The following SLC47A2 variants were observed in gnomAD, a reference collection of about 807,000 sequenced individuals.
The protein encoded by SLC47A2 is solute carrier family 47 member 2.
Under a neutral mutation model 67.7 loss-of-function variants are expected in SLC47A2, and 52 were observed. That is an observed-to-expected ratio of 0.77 (90% CI 0.61 to 0.97). SLC47A2 has a LOEUF of 0.97. Among genes scored for constraint, SLC47A2 ranks in the 50% least tolerant of loss-of-function variants. The pLI is 0.00. For missense variants in SLC47A2, 676 were observed against 712.3 expected, an observed-to-expected ratio of 0.95 and a Z score of 0.58; for synonymous variants, 278 against 292.9, an observed-to-expected ratio of 0.95 and a Z score of 0.52.
intron 13 of SLC47A2, among the ~76,000 whole-genome samples, chr17:19,696,515 G>A (rs1371475294): frequency 6.6e-6 from 1 of 150,746 alleles, no homozygotes; most frequent in African/African-American, 2.4e-5. Flanking sequence ...ATGGAAGGAA[G>A]ACTTGAAGAG....
intron 13 of SLC47A2, among the ~76,000 whole-genome samples, chr17:19,691,239 A>G (rs2152343149): frequency 6.6e-6 from 1 of 152,324 alleles, no homozygotes; most frequent in African/African-American, 2.4e-5. Flanking sequence ...GTGATCCAGC[A>G]ATCCTGCTAG....
chr17:19,717,410 A>T (rs2086290272), upstream of SLC47A2: 1 of 152,386 alleles, frequency 6.6e-6, no homozygotes, highest in Admixed American at 6.5e-5. Flanking sequence ...CTGCCTCAAG[A>T]CCAGCAGGGC....
chr17:19,704,155 C>A lies in SLC47A2; in HGVS notation c.933G>T (p.Gly311=). The change falls in exon 11 of 17, where the codon GGG becomes GGT. Residue 311 remains glycine (G), a synonymous_variant. Coordinates refer to ENST00000433844, the MANE Select transcript of SLC47A2 (RefSeq NM_001099646.3). The stretch of plus-strand genomic sequence containing the variant: ...GAGCCATCCCCACTCGGACACAGAC[C>A]CCGATGCTGAGCCCCAAGGGAATCT... ...TYMIPLGLSI[G]VCVRVGMALG... is the part of the protein sequence containing the mutation. The A allele has an allele frequency of 3.1e-6, 5 of 1,611,240 alleles. No individual in the cohort carries two copies. Among genetic ancestry groups the A allele is most frequent in the Non-Finnish European group, 4.2e-6 (5 of 1,179,310 alleles).
chr17:19,708,201 G>A (rs35250332), intron 7 of SLC47A2, 101 bp downstream of exon 7: 57,563 of 1,359,782 alleles, frequency 0.042, 1,505 homozygotes, highest in Non-Finnish European at 0.051. Flanking sequence ...CTTCAGGACG[G>A]CACAGGCAGG....
Position 19,702,239 on chromosome 17 carries a change from G to A in SLC47A2, c.1164+366C>T, listed in dbSNP as rs904330359. 19 of 985,210 alleles carry A rather than the reference G, an allele frequency of 1.9e-5. No homozygotes were observed. The African/African-American group carries it at 3.1e-4, about 16-fold the overall frequency. 61.0% of individuals were successfully genotyped at this position (985,210 alleles called of 1,614,324 possible). A position where few individuals can be genotyped will look rare whatever the true frequency, so the allele number is the denominator to read the frequency against. On this transcript the variant is annotated intron_variant, in intron 13 of 16. Coordinates refer to ENST00000433844, the MANE Select transcript of SLC47A2 (RefSeq NM_001099646.3). The stretch of plus-strand genomic sequence containing the variant: ...CGTTCCCTTGTAGAAATGTCCCTCT[G>A]TGCTGGCAACAGGATATGGTTGCCA...
At chr17:19,698,768 A>G (rs963871792) in intron 13 of SLC47A2, among the ~76,000 whole-genome samples, 10 of 152,240 alleles carry the variant, frequency 6.6e-5, no homozygotes, top group Admixed American at 1.3e-4. Flanking sequence ...AGCAGTGTTA[A>G]GTATATAGCC....
chr17:19,695,385 GC>G lies in SLC47A2; in HGVS notation c.1164+7219del, dbSNP rs533244105. Reference sequence around the variant, plus strand: ...GCCTGTAATCCCAGCACTTTGGGAGGCTGAGGTGGGAGAATGGTCTGAGCCC... The same window carrying G: ...GCCTGTAATCCCAGCACTTTGGGAGGTGAGGTGGGAGAATGGTCTGAGCCC... On this transcript the variant is annotated intron_variant, in intron 13 of 16. Transcript: ENST00000433844. Among the ~76,000 whole-genome samples, 71 of 151,392 alleles carry G rather than the reference GC, an allele frequency of 4.7e-4. 2 individuals carry two copies. The South Asian group carries it at 0.015, about 32-fold the overall frequency.
chr17:19,678,358 GA>G lies in SLC47A2; in HGVS notation c.*327del, dbSNP rs1393332402. 1 of 280,320 alleles carries G rather than the reference GA, an allele frequency of 3.6e-6. No individual in the cohort carries two copies. Among genetic ancestry groups the G allele is most frequent in the South Asian group, 6.5e-5 (1 of 15,490 alleles). The allele number at this position is 280,320 out of a possible 1,614,324, so 17.4% of individuals were successfully genotyped here. The stretch of plus-strand genomic sequence containing the variant: ...TCTTTAATATAACAGTGGTTTTTGT[GA>G]TTTTATCTGCAGTGTCCCATTTGAA... On this transcript the variant is annotated 3_prime_UTR_variant, in exon 17 of 17. Coordinates refer to ENST00000433844, the MANE Select transcript of SLC47A2 (RefSeq NM_001099646.3).
At position 19,713,811 on chromosome 17, in the gene SLC47A2, G is replaced by T. The variant is rs993184126; in HGVS notation, c.443+14C>A. On this transcript the variant is annotated intron_variant, in intron 4 of 16. Coordinates refer to ENST00000433844, the MANE Select transcript of SLC47A2 (RefSeq NM_001099646.3). ...CCCAGCAAGCCCCACCTCCCCAGCC[G>T]GAGCCCAGCGCACCTGGACACGTCC... 2 of 1,600,326 alleles carry T rather than the reference G, an allele frequency of 1.2e-6. No homozygotes were observed. The highest frequency in any genetic ancestry group is 2.2e-5 in the East Asian group (1 of 44,548).
chr17:19,712,885 G>C, intron 4 of SLC47A2, 140 bp from the exon 5 acceptor site: 1 of 749,072 alleles, frequency 1.3e-6, no homozygotes, highest in Non-Finnish European at 2.2e-6. Flanking sequence ...CAGCATCAGG[G>C]GCTGCTGCTT....
rs376075266 is a variant in SLC47A2 at position 19,692,813 on chromosome 17, A to G, written c.1164+9792T>C. On this transcript the variant is annotated intron_variant, in intron 13 of 16. Coordinates refer to ENST00000433844, the MANE Select transcript of SLC47A2 (RefSeq NM_001099646.3). ...TAGCAAACCAAATTTAGTAATATAC[A>G]GAAAATATATACACCATGATCAAGA... 3.2e-4 allele frequency among the ~76,000 whole-genome samples: 49 copies of G among 152,350 alleles called. No homozygotes were observed. The East Asian group carries it at 8.3e-3, about 26-fold the overall frequency.
At chr17:19,712,605 C>T (rs921709536) in intron 5 of SLC47A2, 98 bp downstream of exon 5, 3 of 1,338,916 alleles carry the variant, frequency 2.2e-6, no homozygotes, top group Admixed American at 2.0e-5. Context: ...CAGGAAGTCA[C>T]AGCAGGATAG....
chr17:19,691,956 G>T (rs143313668), intron 13 of SLC47A2, among the ~76,000 whole-genome samples: 3 of 152,114 alleles, frequency 2.0e-5, no homozygotes, highest in African/African-American at 4.8e-5. Flanking sequence ...ATTGGCTGGC[G>T]CAGTGGCTCA....
At chr17:19,683,190 G>T (rs1218360280) in intron 13 of SLC47A2, among the ~76,000 whole-genome samples, 1 of 152,174 alleles carries the variant, frequency 6.6e-6, no homozygotes, top group African/African-American at 2.4e-5. Flanking sequence ...CTCAAATGGG[G>T]ATGACAAATT....
rs780794807 is a variant in SLC47A2 at position 19,702,557 on chromosome 17, A to C, written c.1164+48T>G. The C allele has an allele frequency of 3.7e-5, 59 of 1,609,326 alleles. No homozygotes were observed. The South Asian group carries it at 6.1e-4, about 17-fold the overall frequency. Reference sequence around the variant, plus strand: ...GAGGTCCTGGGGAGGGCACAAGTACATAAATCATGTCCCAGGGAGTCAGGC... The same window carrying C: ...GAGGTCCTGGGGAGGGCACAAGTACCTAAATCATGTCCCAGGGAGTCAGGC... On this transcript the variant is annotated intron_variant, in intron 13 of 16. Transcript: ENST00000433844.
chr17:19,713,863 G>A lies in SLC47A2; in HGVS notation c.405C>T (p.His135=). ...PCWALFLNTQ[H]ILLLFRQDPD... is the part of the protein sequence containing the mutation. Reference sequence around the variant, plus strand: ...GGTCCTGCCGGAAGAGCAGCAGGATGTGCTGGGTGTTGAGGAAGAGCGCCC... The same window carrying A: ...GGTCCTGCCGGAAGAGCAGCAGGATATGCTGGGTGTTGAGGAAGAGCGCCC... The change falls in exon 4 of 17, where the codon CAC becomes CAT. Residue 135 remains histidine (H), a synonymous_variant. Coordinates refer to ENST00000433844, the MANE Select transcript of SLC47A2 (RefSeq NM_001099646.3). The A allele has an allele frequency of 6.2e-7, 1 of 1,613,628 alleles. No individual in the cohort carries two copies. The highest frequency in any genetic ancestry group is 8.5e-7 in the Non-Finnish European group (1 of 1,179,914).
At chr17:19,680,504 A>G (rs969386752) in intron 15 of SLC47A2, among the ~76,000 whole-genome samples, 10 of 152,188 alleles carry the variant, frequency 6.6e-5, no homozygotes, top group Admixed American at 5.2e-4. Context: ...ATCATTTTAA[A>G]TATCTGTTTA....
chr17:19,683,189 G>T (rs1296944897), intron 13 of SLC47A2, among the ~76,000 whole-genome samples: 1 of 152,104 alleles, frequency 6.6e-6, no homozygotes, highest in African/African-American at 2.4e-5. Flanking sequence ...TCTCAAATGG[G>T]GATGACAAAT....
chr17:19,705,908 G>A (rs546983971), intron 9 of SLC47A2, among the ~76,000 whole-genome samples: 1 of 152,324 alleles, frequency 6.6e-6, no homozygotes, highest in South Asian at 2.1e-4. Context: ...TGATTTTGAA[G>A]GGCAGATTGG....
Sources: allele counts gnomAD v4.1 joint callset (sites outside exome capture counted in the v4.1 genomes callset), GRCh38; gene constraint gnomAD v4.1.1; transcripts MANE v1.5; gene names NCBI Gene and HGNC (gene_info 2026-07-23, HGNC 2026-07-21).